The following PLEKHA5 variants were observed in gnomAD, a reference collection of about 807,000 sequenced individuals.
The protein encoded by PLEKHA5 is pleckstrin homology domain-containing family A member 5.
In PLEKHA5, 55 loss-of-function variants were observed where a neutral mutation model predicts 181.9. The ratio of observed to expected loss-of-function variants is 0.30; its 90% confidence interval spans 0.24 to 0.38. The LOEUF (loss-of-function observed/expected upper bound fraction) is 0.38, where lower values mean the gene tolerates loss of function less well. Among genes scored for constraint, PLEKHA5 ranks in the 10% least tolerant of loss-of-function variants. PLEKHA5 has a pLI of 1.00. For missense variants in PLEKHA5, 1,432 were observed against 1,549.5 expected (o/e 0.92, Z 1.27); for synonymous variants, 535 against 529.4 (o/e 1.01, Z -0.15).
rs762433063 is a variant in PLEKHA5 at position 19,322,513 on chromosome 12, A to G, written c.2299-5A>G. 6 of 1,613,498 alleles carry G rather than the reference A, an allele frequency of 3.7e-6. No individual in the cohort carries two copies. The South Asian group carries it at 5.5e-5, about 15-fold the overall frequency. On this transcript the variant is annotated splice_region_variant and splice_polypyrimidine_tract_variant and intron_variant, in intron 19 of 31. Transcript: ENST00000429027. ...CATTAAGTGTAATTCTTTTTATCAT[A>G]ATAGTACACGCTTGAGCAAGCTTTG... is the stretch of plus-strand genomic sequence containing the variant.
intron 21 of PLEKHA5, among the ~76,000 whole-genome samples, chr12:19,341,379 G>T (rs2093913046): frequency 1.3e-5 from 2 of 152,134 alleles, no homozygotes. Flanking sequence ...TTTCAGATTG[G>T]CAAAAATGTG....
chr12:19,278,803 C>G (rs2075304844), intron 11 of PLEKHA5, among the ~76,000 whole-genome samples: 1 of 152,100 alleles, frequency 6.6e-6, no homozygotes, highest in African/African-American at 2.4e-5. Flanking sequence ...GTACCTTTCT[C>G]CCTCTCTCCA....
At chr12:19,329,530 A>C (rs1323675152) in intron 20 of PLEKHA5, among the ~76,000 whole-genome samples, 2 of 152,092 alleles carry the variant, frequency 1.3e-5, no homozygotes, top group Admixed American at 6.6e-5. Flanking sequence ...TGGTCTGTTA[A>C]GTGTTTCAGT....
intron 15 of PLEKHA5, among the ~76,000 whole-genome samples, chr12:19,300,785 C>A (rs2081259511): frequency 6.6e-6 from 1 of 152,030 alleles, no homozygotes; most frequent in South Asian, 2.1e-4. Context: ...TTTGTAAGAA[C>A]ACAGTTAACC....
At chr12:19,254,815 T>C (rs1211799792) in intron 4 of PLEKHA5, among the ~76,000 whole-genome samples, 1 of 152,178 alleles carries the variant, frequency 6.6e-6, no homozygotes, top group Non-Finnish European at 1.5e-5. Flanking sequence ...AGAGTGAGAC[T>C]CTTGTCTTAA....
intron 3 of PLEKHA5, among the ~76,000 whole-genome samples, chr12:19,171,693 AAATTCTTGACTCTTGTAATAAC>A (rs2045928824): frequency 6.6e-6 from 1 of 152,232 alleles, no homozygotes. Context: ...CAATTTTTAA[AAATTCTTGACTCTTGTAATAAC>A]AATTAGCTTA....
chr12:19,257,570 C>A (rs762507815), intron 6 of PLEKHA5, 33 bp downstream of exon 6: 3 of 1,091,542 alleles, frequency 2.7e-6, no homozygotes, highest in Admixed American at 3.9e-5. Context: ...AAACAAAAGA[C>A]AGAATTAGAA....
intron 30 of PLEKHA5, among the ~76,000 whole-genome samples, chr12:19,367,917 A>C (rs2153278904): frequency 6.6e-6 from 1 of 151,862 alleles, no homozygotes; most frequent in Non-Finnish European, 1.5e-5. Flanking sequence ...ATAAGTAAAA[A>C]ACCATTCCTA....
Position 19,347,186 on chromosome 12 carries a change from A to G in PLEKHA5, c.2898+4A>G, listed in dbSNP as rs1462590393. On this transcript the variant is annotated splice_donor_region_variant and intron_variant, in intron 24 of 31. Coordinates refer to ENST00000429027, the MANE Select transcript of PLEKHA5 (RefSeq NM_001256470.2). ...TCCAAGAAATGGATCTCACTGTGTAAGTGGCTGGAATAGCCACAGAATAAT... is the reference window on the plus strand; with the variant it reads ...TCCAAGAAATGGATCTCACTGTGTAGGTGGCTGGAATAGCCACAGAATAAT... 1.3e-6 allele frequency: 2 copies of G among 1,510,306 alleles called. No homozygotes were observed. The highest frequency in any genetic ancestry group is 1.8e-6 in the Non-Finnish European group (2 of 1,112,126). The allele number at this position is 1,510,306 out of a possible 1,614,324, so 93.6% of individuals were successfully genotyped here. A position where few individuals can be genotyped will look rare whatever the true frequency, so the allele number is the denominator to read the frequency against.
At chr12:19,275,625 G>C (rs2074287280) in intron 11 of PLEKHA5, among the ~76,000 whole-genome samples, 1 of 152,042 alleles carries the variant, frequency 6.6e-6, no homozygotes, top group Non-Finnish European at 1.5e-5. Flanking sequence ...AATTAGCCAA[G>C]CATAGTGGTG....
chr12:19,341,198 A>T (rs1345880431), intron 21 of PLEKHA5, among the ~76,000 whole-genome samples: 2 of 151,992 alleles, frequency 1.3e-5, no homozygotes, highest in Non-Finnish European at 2.9e-5. Flanking sequence ...GATTGCTTGA[A>T]CCCAAGAGGC....
chr12:19,164,189 A>ATTT (rs2043687391), intron 3 of PLEKHA5, among the ~76,000 whole-genome samples: 1 of 125,330 alleles, frequency 8.0e-6, no homozygotes, highest in South Asian at 2.7e-4. Context: ...TGCTCTCCAG[A>ATTT]TGTTTTTGTT....
At chr12:19,362,317 A>G (rs550668396) in intron 29 of PLEKHA5, among the ~76,000 whole-genome samples, 3 of 151,954 alleles carry the variant, frequency 2.0e-5, no homozygotes, top group Non-Finnish European at 4.4e-5. Context: ...GCAGATCACT[A>G]GAAGTCAGGA....
chr12:19,284,086 T>G (rs1337426295), intron 12 of PLEKHA5, among the ~76,000 whole-genome samples: 1 of 152,144 alleles, frequency 6.6e-6, no homozygotes, highest in Non-Finnish European at 1.5e-5. Context: ...TGTTTTGTTT[T>G]GAGATGGAGT....
At chr12:19,294,805 CA>C (rs1317147841) in intron 15 of PLEKHA5, among the ~76,000 whole-genome samples, 2 of 152,126 alleles carry the variant, frequency 1.3e-5, no homozygotes, top group African/African-American at 4.8e-5. Flanking sequence ...TGCAGATTTA[CA>C]TATTAAGCAG....
intron 3 of PLEKHA5, among the ~76,000 whole-genome samples, chr12:19,215,778 G>A (rs1021439669): frequency 3.9e-5 from 6 of 152,132 alleles, no homozygotes; most frequent in East Asian, 3.9e-4. Flanking sequence ...TCAATAGCTT[G>A]AAGAAGCACT....
In PLEKHA5 at chr12:19,130,556, C is replaced by T. The variant is rs1486207054; in HGVS notation, c.169+426C>T. Among the ~76,000 whole-genome samples the T allele has an allele frequency of 6.6e-6, 1 of 152,026 alleles. No individual in the cohort carries two copies. Among genetic ancestry groups the T allele is most frequent in the South Asian group, 2.1e-4 (1 of 4,822 alleles). Reference sequence around the variant, plus strand: ...AGGCAGTCCTTACCCACTCCCCTCCCTGCAGCCCCGGACCCCGATCGCCCG... The same window carrying T: ...AGGCAGTCCTTACCCACTCCCCTCCTTGCAGCCCCGGACCCCGATCGCCCG... On this transcript the variant is annotated intron_variant, in intron 2 of 31. Transcript: ENST00000429027. The surrounding 1 kb of genome is among the most constrained non-coding windows in gnomAD (Gnocchi z 4.5).
At position 19,198,008 on chromosome 12, in the gene PLEKHA5, C is replaced by G. The variant is rs76179953; in HGVS notation, c.228-55932C>G. ...AAACGTATCCCAAATCTGCTCACTT[C>G]TCTCCATCTCTGCCACACCTCTCGT... is the stretch of plus-strand genomic sequence containing the variant. On this transcript the variant is annotated intron_variant, in intron 3 of 31. Coordinates refer to ENST00000429027, the MANE Select transcript of PLEKHA5 (RefSeq NM_001256470.2). 3.8e-3 allele frequency among the ~76,000 whole-genome samples: 579 copies of G among 152,248 alleles called. 13 individuals are homozygous for G. The East Asian group carries it at 0.058, about 15-fold the overall frequency.
chr12:19,191,209 C>T (rs190816893), intron 3 of PLEKHA5, among the ~76,000 whole-genome samples: 10 of 152,280 alleles, frequency 6.6e-5, no homozygotes, highest in Non-Finnish European at 1.3e-4. Flanking sequence ...TCATTATCTA[C>T]TAATGGGTCA....
Sources: allele counts gnomAD v4.1 joint callset (sites outside exome capture counted in the v4.1 genomes callset), GRCh38; gene constraint gnomAD v4.1.1; non-coding constraint Gnocchi (gnomAD v3.1); transcripts MANE v1.5; gene names NCBI Gene and HGNC (gene_info 2026-07-23, HGNC 2026-07-21).